RBFOX1: variants seen among roughly 807,000 people sequenced by gnomAD.
RBFOX1 encodes the protein RNA binding fox-1 homolog 1.
RBFOX1 carries 8 observed loss-of-function variants against 57.7 expected under a neutral mutation model. That is an observed-to-expected ratio of 0.14 (90% confidence interval 0.08 to 0.25). The LOEUF (loss-of-function observed/expected upper bound fraction) is 0.25. RBFOX1 is among the 10% of genes least tolerant of loss of function. The probability of loss-of-function intolerance (pLI) is 1.00; values close to 1 mark genes in which losing one functional copy is unlikely to be tolerated. For missense variants in RBFOX1, 611 were observed against 548.5 expected, an observed-to-expected ratio of 1.11 and a Z score of -1.14; for synonymous variants, 326 against 222.4, an observed-to-expected ratio of 1.47 and a Z score of -4.15.
At chr16:5,378,519 T>A (rs1226497099) in intron 1 of RBFOX1, among the ~76,000 whole-genome samples, 3 of 151,524 alleles carry the variant, frequency 2.0e-5, no homozygotes, top group Non-Finnish European at 2.9e-5. Context: ...ATTTTCGTTC[T>A]GTGAATAGCC....
intron 2 of RBFOX1, among the ~76,000 whole-genome samples, chr16:6,607,169 G>C (rs2097944704): frequency 6.6e-6 from 1 of 152,132 alleles, no homozygotes; most frequent in Admixed American, 6.5e-5. Flanking sequence ...GAATTTGTGG[G>C]TGAACAGATG....
intron 2 of RBFOX1, among the ~76,000 whole-genome samples, chr16:5,532,971 G>A (rs1443473443): frequency 2.6e-5 from 4 of 152,100 alleles, no homozygotes; most frequent in East Asian, 3.9e-4. Flanking sequence ...AATGCTGAGG[G>A]GGCTAGAGCA....
intron 2 of RBFOX1, among the ~76,000 whole-genome samples, chr16:6,560,976 A>C (rs2097172314): frequency 6.6e-6 from 1 of 152,182 alleles, no homozygotes; most frequent in African/African-American, 2.4e-5. Flanking sequence ...TCAATGTGCA[A>C]ATTTCAACTT....
intron 3 of RBFOX1, chr16:6,873,791 A>G (rs1257054923): frequency 6.6e-6 from 1 of 152,174 alleles, no homozygotes; most frequent in African/African-American, 2.4e-5. Flanking sequence ...CAACTCTGTG[A>G]TCTTTATTAT....
chr16:7,536,612 A>T (rs1016772180), intron 5 of RBFOX1, among the ~76,000 whole-genome samples: 82 of 152,330 alleles, frequency 5.4e-4, no homozygotes, highest in African/African-American at 1.6e-3. Flanking sequence ...AATAATAATT[A>T]ATAAATAAAA....
chr16:6,041,362 A>C (rs1467261383), intron 1 of RBFOX1, among the ~76,000 whole-genome samples: 1 of 152,192 alleles, frequency 6.6e-6, no homozygotes, highest in Non-Finnish European at 1.5e-5. Flanking sequence ...GAGATATCAA[A>C]GAATTTTCAG....
intron 3 of RBFOX1, among the ~76,000 whole-genome samples, chr16:5,785,159 A>G: frequency 6.6e-6 from 1 of 152,152 alleles, no homozygotes; most frequent in East Asian, 1.9e-4. Flanking sequence ...TGTTAAAGAG[A>G]CGGGACATTC....
intron 3 of RBFOX1, among the ~76,000 whole-genome samples, chr16:6,969,167 GTAACT>G (rs997120603): frequency 3.3e-5 from 5 of 152,022 alleles, no homozygotes; most frequent in African/African-American, 9.7e-5. Context: ...CCCAAAATAG[GTAACT>G]TAACTTCTCT....
At position 7,192,075 on chromosome 16, in the gene RBFOX1, G is replaced by C. The variant is rs191163003; in HGVS notation, c.27+139977G>C. On this transcript the variant is annotated intron_variant, in intron 4 of 15. Transcript: ENST00000550418. ...TGATGCCCTGTCTGTAGAATTCTACGAGCTGTTTTCAAAACCAGAGAAAGG... is the reference window on the plus strand; with the variant it reads ...TGATGCCCTGTCTGTAGAATTCTACCAGCTGTTTTCAAAACCAGAGAAAGG... 3.9e-5 allele frequency among the ~76,000 whole-genome samples: 6 copies of C among 152,106 alleles called. No homozygotes were observed. The South Asian group carries it at 6.2e-4, about 16-fold the overall frequency.
chr16:5,295,251 C>G (rs2063637900), intron 1 of RBFOX1, among the ~76,000 whole-genome samples: 1 of 152,084 alleles, frequency 6.6e-6, no homozygotes. Context: ...CCTGGGGAGA[C>G]TGAGACCAGA....
At chr16:5,805,582 CA>C (rs1242446640) in intron 3 of RBFOX1, among the ~76,000 whole-genome samples, 1 of 152,128 alleles carries the variant, frequency 6.6e-6, no homozygotes, top group Non-Finnish European at 1.5e-5. Context: ...AATTGTTTAT[CA>C]AAAGGTTAAA....
At chr16:5,428,001 G>C (rs2067614571) in intron 1 of RBFOX1, among the ~76,000 whole-genome samples, 1 of 152,180 alleles carries the variant, frequency 6.6e-6, no homozygotes. Flanking sequence ...GACATTGTGG[G>C]TCTGGATGCT....
chr16:5,642,276 T>C (rs1169491578), intron 3 of RBFOX1, among the ~76,000 whole-genome samples: 1 of 152,214 alleles, frequency 6.6e-6, no homozygotes, highest in Non-Finnish European at 1.5e-5. Flanking sequence ...CTTGGGGCTG[T>C]TTATAGTCGA....
intron 4 of RBFOX1, among the ~76,000 whole-genome samples, chr16:5,943,656 A>C (rs149639720): frequency 1.1e-4 from 17 of 152,316 alleles, no homozygotes; most frequent in African/African-American, 4.1e-4. Context: ...AATGGAGCTA[A>C]TGAGGTATCC....
chr16:5,903,167 G>A (rs1456067441), intron 4 of RBFOX1, among the ~76,000 whole-genome samples: 1 of 152,090 alleles, frequency 6.6e-6, no homozygotes, highest in East Asian at 1.9e-4. Flanking sequence ...TGGGAAATAT[G>A]TTCTGCACTG....
chr16:5,642,214 A>T (rs1163264404), intron 3 of RBFOX1, among the ~76,000 whole-genome samples: 1 of 152,220 alleles, frequency 6.6e-6, no homozygotes, highest in African/African-American at 2.4e-5. Context: ...AAGCAGGCAA[A>T]GGAAAGCTGC....
chr16:6,895,100 A>C (rs570129390), intron 3 of RBFOX1, among the ~76,000 whole-genome samples: 2 of 152,236 alleles, frequency 1.3e-5, no homozygotes, highest in East Asian at 3.9e-4. Context: ...AAAGAAATAA[A>C]GTCTGGTCCT....
chr16:5,627,240 G>A (rs1193972616), intron 3 of RBFOX1, among the ~76,000 whole-genome samples: 1 of 152,072 alleles, frequency 6.6e-6, no homozygotes, highest in Non-Finnish European at 1.5e-5. Flanking sequence ...CCCATGTAGT[G>A]GCACCAAATT....
intron 3 of RBFOX1, among the ~76,000 whole-genome samples, chr16:5,721,444 C>T (rs192675946): frequency 5.8e-4 from 89 of 152,180 alleles, no homozygotes; most frequent in African/African-American, 2.0e-3. Flanking sequence ...CTTTCCAAGC[C>T]GGATGCCTTT....
Sources: gnomAD v4.1 joint callset for allele counts (sites outside exome capture counted in the v4.1 genomes callset) on GRCh38, gnomAD v4.1.1 for gene constraint, MANE v1.5 for transcripts, NCBI Gene and HGNC (gene_info 2026-07-23, HGNC 2026-07-21) for gene names.